The following LRTM3 variants were observed in gnomAD, a reference collection of about 807,000 sequenced individuals.
LRTM3 encodes leucine-rich repeat transmembrane protein 3.
At chr13:102,740,562 T>G in the LRTM3 span, 2 of 1,549,352 alleles carry the variant, frequency 1.3e-6, no homozygotes, top group Non-Finnish European at 1.7e-6. Context: ...CTTTTTTTAC[T>G]GTTTTGAGTA....
the LRTM3 span, chr13:102,736,053 C>A: frequency 1.3e-6 from 2 of 1,545,816 alleles, no homozygotes; most frequent in South Asian, 1.2e-5. Flanking sequence ...CTGTCCTTTG[C>A]CTCTTTATAT....
chr13:102,735,996 G>A, the LRTM3 span: 18 of 1,549,934 alleles, frequency 1.2e-5, no homozygotes, highest in Non-Finnish European at 1.5e-5. Flanking sequence ...GCCCTCAAAT[G>A]TATCCTTTTG....
the LRTM3 span, chr13:102,734,041 AGTCCTT>A: frequency 6.4e-7 from 1 of 1,551,332 alleles, no homozygotes; most frequent in African/African-American, 1.4e-5. Context: ...TAGAAAGAAA[AGTCCTT>A]GACAGAACCA....
the LRTM3 span, chr13:102,732,967 C>T: frequency 1.3e-6 from 2 of 1,551,392 alleles, no homozygotes; most frequent in South Asian, 2.4e-5. Flanking sequence ...GAACACCTTC[C>T]TCTTGTTCTG....
chr13:102,741,408 T>C, the LRTM3 span: 3 of 1,550,176 alleles, frequency 1.9e-6, no homozygotes, highest in African/African-American at 2.7e-5. Flanking sequence ...GCAGGCACTT[T>C]GTGCTGTACC....
chr13:102,746,884 T>G, the LRTM3 span: 5 of 1,551,304 alleles, frequency 3.2e-6, no homozygotes, highest in Non-Finnish European at 4.4e-6. Context: ...ATTTGCAGTC[T>G]GTTTGTGTTT....
At chr13:102,746,396 TTTAA>T in the LRTM3 span, 7 of 1,551,116 alleles carry the variant, frequency 4.5e-6, no homozygotes, top group South Asian at 1.2e-5. Flanking sequence ...TTCTCCTTGC[TTTAA>T]TTGAGACGCA....
chr13:102,743,706 C>T, the LRTM3 span: 1 of 1,549,232 alleles, frequency 6.5e-7, no homozygotes, highest in Non-Finnish European at 8.7e-7. Flanking sequence ...CTGTTGGATA[C>T]AGTTTTTAAA....
the LRTM3 span, chr13:102,730,732 G>A: frequency 1.8e-4 from 273 of 1,551,730 alleles, no homozygotes; most frequent in East Asian, 2.2e-4. Flanking sequence ...CAGCATTTAC[G>A]TTTTTACACA....
At chr13:102,742,457 G>A in the LRTM3 span, 1 of 1,548,670 alleles carries the variant, frequency 6.5e-7, no homozygotes, top group South Asian at 1.2e-5. Context: ...ATCTGCCCTT[G>A]TTTTCCAGTC....
chr13:102,734,394 A>C, the LRTM3 span: 1 of 1,551,316 alleles, frequency 6.4e-7, no homozygotes, highest in African/African-American at 1.4e-5. Flanking sequence ...TTAGATGGCA[A>C]AGGTTTGGAA....
At chr13:102,747,838 A>C in the LRTM3 span, 1 of 1,551,132 alleles carries the variant, frequency 6.4e-7, no homozygotes, top group Non-Finnish European at 8.7e-7. Context: ...CTTGCTCTTT[A>C]TTTGGGGCTT....
the LRTM3 span, chr13:102,732,924 A>G: frequency 2.6e-6 from 4 of 1,551,474 alleles, no homozygotes; most frequent in Non-Finnish European, 3.5e-6. Context: ...TGAAAAGTCC[A>G]GGGAGGGAAT....
At chr13:102,731,642 T>C in the LRTM3 span, 26 of 1,551,524 alleles carry the variant, frequency 1.7e-5, no homozygotes, top group South Asian at 2.7e-4. Context: ...AACCTGGGAC[T>C]CAGAGATAGC....
chr13:102,734,772 G>A, the LRTM3 span: 4 of 1,550,926 alleles, frequency 2.6e-6, no homozygotes, highest in Admixed American at 5.9e-5. Context: ...GATAGAGATG[G>A]CAATGAAGTA....
chr13:102,748,036 C>T, the LRTM3 span: 4 of 1,550,858 alleles, frequency 2.6e-6, no homozygotes, highest in Non-Finnish European at 3.5e-6. Flanking sequence ...TCTGTGTTTC[C>T]TTCTCATCTG....
the LRTM3 span, chr13:102,749,257 T>G: frequency 4.3e-5 from 67 of 1,550,892 alleles, no homozygotes; most frequent in Admixed American, 1.3e-3. Context: ...TACTGTCTGG[T>G]GTTTTTCTTC....
At chr13:102,748,487 G>T in the LRTM3 span, 2 of 1,551,078 alleles carry the variant, frequency 1.3e-6, no homozygotes, top group Non-Finnish European at 1.7e-6. Context: ...TGGTGTACTG[G>T]TTGGTAACTC....
chr13:102,743,809 A>G, the LRTM3 span: 1 of 1,550,240 alleles, frequency 6.5e-7, no homozygotes, highest in Admixed American at 2.0e-5. Flanking sequence ...TCATAGTTAA[A>G]CATTTGGCAT....
Sources: allele counts gnomAD v4.1 joint callset, GRCh38; gene constraint gnomAD v4.1.1; transcripts MANE v1.5; gene names NCBI Gene and HGNC (gene_info 2026-07-23, HGNC 2026-07-21).